TBC1D32: variants seen among roughly 807,000 people sequenced by gnomAD.
The protein encoded by TBC1D32 is protein broad-minded.
Under a neutral mutation model 170.3 loss-of-function variants are expected in TBC1D32, and 151 were observed. That is an observed-to-expected ratio of 0.89 (90% CI 0.78 to 1.01). TBC1D32 has a LOEUF of 1.01. Ranked by LOEUF, TBC1D32 falls within the 50% of genes least tolerant of loss-of-function variation. The pLI, the probability that TBC1D32 is intolerant of heterozygous loss-of-function variation, is 0.00. For synonymous variants in TBC1D32, 498 were observed against 488.0 expected, an observed-to-expected ratio of 1.02 and a Z score of -0.27; for missense variants, 1,464 against 1,457.1, an observed-to-expected ratio of 1.00 and a Z score of -0.08.
At chr6:121,210,505 T>A (rs753596334) in intron 21 of TBC1D32, among the ~76,000 whole-genome samples, 3 of 152,194 alleles carry the variant, frequency 2.0e-5, no homozygotes, top group African/African-American at 4.8e-5. Context: ...AATTTACCTT[T>A]CAACCCAGTA....
At chr6:121,081,199 A>G in intron 31 of TBC1D32, among the ~76,000 whole-genome samples, 1 of 152,200 alleles carries the variant, frequency 6.6e-6, no homozygotes, top group East Asian at 1.9e-4. Flanking sequence ...TTATACAATG[A>G]TTGTTCAAAT....
At position 121,156,271 on chromosome 6, in the gene TBC1D32, TCCTA is replaced by T. The variant is rs1344898267; in HGVS notation, c.2773+3735_2773+3738del. Among the ~76,000 whole-genome samples, 5 of 151,994 alleles carry T rather than the reference TCCTA, an allele frequency of 3.3e-5. No homozygotes were observed. In the East Asian group the frequency reaches 9.6e-4, roughly 29 times the overall value. On this transcript the variant is annotated intron_variant, in intron 24 of 31. Transcript: ENST00000398212. The stretch of plus-strand genomic sequence containing the variant: ...TCATGTTTTCAGGAACTTATCAATA[TCCTA>T]TAGACTTTCTAATTTGTGTGCATTG...
At chr6:121,257,179 A>G (rs1411325986) in intron 15 of TBC1D32, among the ~76,000 whole-genome samples, 1 of 152,128 alleles carries the variant, frequency 6.6e-6, no homozygotes, top group African/African-American at 2.4e-5. Flanking sequence ...TTCTCCATAT[A>G]TCCTATAAAG....
chr6:121,316,156 T>C (rs1252289628), intron 3 of TBC1D32, among the ~76,000 whole-genome samples: 1 of 152,180 alleles, frequency 6.6e-6, no homozygotes, highest in African/African-American at 2.4e-5. Context: ...AAATCTATCA[T>C]TTTAATGACT....
chr6:121,310,775 T>C lies in TBC1D32; in HGVS notation c.564+4A>G, dbSNP rs1808068501. 2 of 1,539,788 alleles carry C rather than the reference T, an allele frequency of 1.3e-6. No homozygotes were observed. Among genetic ancestry groups the C allele is most frequent in the East Asian group, 2.4e-5 (1 of 41,946 alleles). Reference sequence around the variant, plus strand: ...TGAACTTGACAGCTATCCTTGAAACTTACCTCTTTAGGTTGCCCAGGATCC... The same window carrying C: ...TGAACTTGACAGCTATCCTTGAAACCTACCTCTTTAGGTTGCCCAGGATCC... On this transcript the variant is annotated splice_donor_region_variant and intron_variant, in intron 4 of 31. Transcript: ENST00000398212.
intron 9 of TBC1D32, among the ~76,000 whole-genome samples, chr6:121,300,855 C>T (rs1453027469): frequency 6.6e-6 from 1 of 152,140 alleles, no homozygotes; most frequent in Non-Finnish European, 1.5e-5. Flanking sequence ...AAAAAACTAA[C>T]AACCCCATCA....
chr6:121,202,367 A>G (rs866888940), intron 22 of TBC1D32, among the ~76,000 whole-genome samples: 141 of 147,734 alleles, frequency 9.5e-4, no homozygotes, highest in Middle Eastern at 3.5e-3. Flanking sequence ...TCACACAGGA[A>G]AAAAAAAAAA....
chr6:121,235,507 TACA>T (rs1342840462), intron 20 of TBC1D32, among the ~76,000 whole-genome samples: 2 of 152,166 alleles, frequency 1.3e-5, no homozygotes, highest in African/African-American at 4.8e-5. Flanking sequence ...TCCTGAGTCA[TACA>T]AATCACCAGG....
intron 10 of TBC1D32, among the ~76,000 whole-genome samples, chr6:121,295,627 A>C (rs1805507603): frequency 6.6e-6 from 1 of 152,008 alleles, no homozygotes; most frequent in African/African-American, 2.4e-5. Flanking sequence ...TATAGGAGAG[A>C]AAGGGGATAG....
At chr6:121,158,825 T>C (rs922968477) in intron 24 of TBC1D32, among the ~76,000 whole-genome samples, 1 of 152,196 alleles carries the variant, frequency 6.6e-6, no homozygotes, top group South Asian at 2.1e-4. Context: ...AGATAGGCCA[T>C]GTAGCTTCAT....
intron 17 of TBC1D32, among the ~76,000 whole-genome samples, chr6:121,249,013 C>A (rs987514794): frequency 2.6e-5 from 4 of 151,734 alleles, no homozygotes; most frequent in African/African-American, 9.7e-5. Flanking sequence ...AAACTACAGA[C>A]CAATATCTCT....
intron 30 of TBC1D32, among the ~76,000 whole-genome samples, chr6:121,093,623 T>G (rs1457504886): frequency 6.6e-6 from 1 of 152,192 alleles, no homozygotes; most frequent in African/African-American, 2.4e-5. Context: ...GTCCACCATA[T>G]GCATTGGTTA....
intron 30 of TBC1D32, among the ~76,000 whole-genome samples, chr6:121,094,162 C>T (rs956088939): frequency 6.6e-6 from 1 of 150,722 alleles, no homozygotes; most frequent in Non-Finnish European, 1.5e-5. Flanking sequence ...AATCTCTGAG[C>T]AAGTAACTTC....
chr6:121,215,094 G>T (rs1480461342), intron 21 of TBC1D32, among the ~76,000 whole-genome samples: 1 of 152,224 alleles, frequency 6.6e-6, no homozygotes, highest in Non-Finnish European at 1.5e-5. Context: ...CACAGTCAGG[G>T]TGTCCCAACA....
chr6:121,282,059 T>C (rs1335469098), intron 13 of TBC1D32, among the ~76,000 whole-genome samples: 1 of 151,692 alleles, frequency 6.6e-6, no homozygotes, highest in East Asian at 1.9e-4. Context: ...TACTCATATT[T>C]ATTTTTTCTT....
chr6:121,089,609 A>C (rs1776604335), intron 31 of TBC1D32, among the ~76,000 whole-genome samples: 1 of 152,170 alleles, frequency 6.6e-6, no homozygotes, highest in Non-Finnish European at 1.5e-5. Context: ...TTTTCTCAGC[A>C]TACTTTTTCA....
chr6:121,184,468 C>T (rs1278594840), intron 22 of TBC1D32, among the ~76,000 whole-genome samples: 1 of 151,788 alleles, frequency 6.6e-6, no homozygotes, highest in East Asian at 1.9e-4. Flanking sequence ...GCATAATGCA[C>T]GATTTTAGCC....
chr6:121,276,186 T>C (rs111968731), intron 15 of TBC1D32, among the ~76,000 whole-genome samples: 8 of 149,816 alleles, frequency 5.3e-5, no homozygotes, highest in African/African-American at 2.0e-4. Context: ...TTCAAAGTAA[T>C]TATTGCAAAA....
Position 121,112,489 on chromosome 6 carries a change from C to A in TBC1D32, c.3324+16G>T. On this transcript the variant is annotated intron_variant, in intron 29 of 31. Coordinates refer to ENST00000398212, the MANE Select transcript of TBC1D32 (RefSeq NM_152730.6). ...AAAATTTCAAACCCTCCTTTAAAAA[C>A]AGATTGAAGTCTTACAGAAATATGT... 1.3e-6 allele frequency: 2 copies of A among 1,584,834 alleles called. No individual in the cohort carries two copies. The highest frequency in any genetic ancestry group is 1.7e-6 in the Non-Finnish European group (2 of 1,166,590).
Sources: allele counts gnomAD v4.1 joint callset (sites outside exome capture counted in the v4.1 genomes callset), GRCh38; gene constraint gnomAD v4.1.1; transcripts MANE v1.5; gene names NCBI Gene and HGNC (gene_info 2026-07-23, HGNC 2026-07-21).